The following CMKLR2 variants were observed in gnomAD, a reference collection of about 807,000 sequenced individuals.
CMKLR2 encodes chemerin-like receptor 2.
CMKLR2 carries 18 observed loss-of-function variants against 23.0 expected under a neutral mutation model. The ratio of observed to expected loss-of-function variants is 0.78; its 90% CI spans 0.54 to 1.16. CMKLR2 has a LOEUF of 1.16. CMKLR2 is among the 50% of genes most tolerant of loss of function. The pLI is 0.00. For missense variants in CMKLR2, 401 were observed against 412.7 expected, an observed-to-expected ratio of 0.97 and a Z score of 0.25; for synonymous variants, 158 against 158.9, an observed-to-expected ratio of 0.99 and a Z score of 0.05.
Position 206,176,542 on chromosome 2 carries a change from G to T in CMKLR2, c.706C>A (p.Arg236=). 1.9e-6 allele frequency: 3 copies of T among 1,614,034 alleles called. No homozygotes were observed. The highest frequency in any genetic ancestry group is 1.7e-6 in the Non-Finnish European group (2 of 1,179,996). Residue 236 remains arginine (R), a synonymous_variant, in exon 2 of 2, where the codon CGA becomes AGA. Coordinates refer to ENST00000621141, the MANE Select transcript of CMKLR2 (RefSeq NM_001389445.1). ...YLCLIFKVKK[R]SILISSRHFW... is the part of the protein sequence containing the mutation. ...TGCCTACTGGAGATCAGGATGCTTC[G>T]CTTCTTCACCTTGAAGATGAGACAC...
At position 206,186,439 on chromosome 2, in the gene CMKLR2, C is replaced by T. The variant is rs1401178935; in HGVS notation, c.-28-9164G>A. On this transcript the variant is annotated intron_variant, in intron 1 of 1. Transcript: ENST00000621141. ...ATGGGCTTTTGTTAAAGCAGCTGAA[C>T]ATGTATCCTAACTAATATAACTTCT... Among the ~76,000 whole-genome samples the T allele has an allele frequency of 5.3e-5, 8 of 152,252 alleles. No individual in the cohort carries two copies. The East Asian group carries it at 1.5e-3, about 29-fold the overall frequency.
chr2:206,178,866 C>T (rs78861091), intron 1 of CMKLR2, among the ~76,000 whole-genome samples: 3,118 of 151,852 alleles, frequency 0.021, 57 homozygotes, highest in South Asian at 0.051. Context: ...CCAGGCTGGT[C>T]TCAAACTCCT....
chr2:206,213,701 T>C (rs1379312855), upstream of CMKLR2: 1 of 152,204 alleles, frequency 6.6e-6, no homozygotes, highest in Non-Finnish European at 1.5e-5. Context: ...CTTTTGCTTA[T>C]GAAAAGGCAA....
chr2:206,214,769 G>A (rs567960816), upstream of CMKLR2, among the ~76,000 whole-genome samples: 8 of 151,742 alleles, frequency 5.3e-5, no homozygotes, highest in East Asian at 9.8e-4. Flanking sequence ...GACTGCAGGC[G>A]CCCGCCACCA....
chr2:206,193,626 T>C (rs368451590), intron 1 of CMKLR2, among the ~76,000 whole-genome samples: 3 of 152,340 alleles, frequency 2.0e-5, no homozygotes, highest in African/African-American at 7.2e-5. Context: ...TTCTGGGCAA[T>C]GTTATGTATC....
intron 1 of CMKLR2, among the ~76,000 whole-genome samples, chr2:206,205,515 A>G (rs1405833747): frequency 6.7e-6 from 1 of 149,404 alleles, no homozygotes; most frequent in African/African-American, 2.5e-5. Context: ...GGTGCTCACC[A>G]CCACACCCGG....
At chr2:206,200,802 TA>T (rs1264726136) in intron 1 of CMKLR2, among the ~76,000 whole-genome samples, 1 of 152,172 alleles carries the variant, frequency 6.6e-6, no homozygotes, top group Non-Finnish European at 1.5e-5. Flanking sequence ...AGGAACACAG[TA>T]AAAAACCATC....
At chr2:206,207,650 C>T (rs1288383106) in intron 1 of CMKLR2, among the ~76,000 whole-genome samples, 1 of 144,756 alleles carries the variant, frequency 6.9e-6, no homozygotes. Flanking sequence ...ATTATTCCTA[C>T]AAGGCTAAGA....
At chr2:206,191,980 A>G (rs886610861) in intron 1 of CMKLR2, among the ~76,000 whole-genome samples, 5 of 151,170 alleles carry the variant, frequency 3.3e-5, no homozygotes. Flanking sequence ...AGCTGGGATT[A>G]CAGGCGCACA....
At chr2:206,211,321 T>G (rs1574332650) in intron 1 of CMKLR2, among the ~76,000 whole-genome samples, 5 of 152,102 alleles carry the variant, frequency 3.3e-5, no homozygotes, top group Non-Finnish European at 7.4e-5. Context: ...ATTCAGTTAT[T>G]TTTTGTTTTG....
intron 1 of CMKLR2, among the ~76,000 whole-genome samples, chr2:206,205,635 G>A (rs1574326955): frequency 6.6e-6 from 1 of 151,868 alleles, no homozygotes; most frequent in South Asian, 2.1e-4. Context: ...GCCTCCCAAA[G>A]TGGTGGGATT....
At chr2:206,187,580 A>C (rs1385752602) in intron 1 of CMKLR2, among the ~76,000 whole-genome samples, 1 of 152,218 alleles carries the variant, frequency 6.6e-6, no homozygotes, top group African/African-American at 2.4e-5. Context: ...TTAAATTATT[A>C]AAAAGTGGTA....
At position 206,176,728 on chromosome 2, in the gene CMKLR2, A is replaced by G; in HGVS notation, c.520T>C (p.Tyr174His). 6.2e-7 allele frequency: 1 copy of G among 1,614,204 alleles called. No homozygotes were observed. Among genetic ancestry groups the G allele is most frequent in the Non-Finnish European group, 8.5e-7 (1 of 1,180,036 alleles). Reference protein sequence around the residue: ...LASLIGGPALYFRDTVEFNNH... With the variant: ...LASLIGGPALHFRDTVEFNNH... Reference sequence around the variant, plus strand: ...TTGAACTCCACAGTGTCCCGGAAGTACAGGGCAGGACCGCCAATTAGAGAA... The same window carrying G: ...TTGAACTCCACAGTGTCCCGGAAGTGCAGGGCAGGACCGCCAATTAGAGAA... Residue 174 changes from tyrosine to histidine, a missense_variant, in exon 2 of 2, where the codon TAC becomes CAC. Tyr to His is a moderately conservative substitution (Grantham distance 83, BLOSUM62 2). Transcript: ENST00000621141.
Position 206,176,528 on chromosome 2 carries a change from G to C in CMKLR2, c.720C>G (p.Ile240Met). ...IFKVKKRSIL[I>M]SSRHFWTILV... is the part of the protein sequence containing the mutation. ...GAATTGTCCAGAAATGCCTACTGGA[G>C]ATCAGGATGCTTCGCTTCTTCACCT... The change falls in exon 2 of 2, where the codon ATC becomes ATG. Residue 240 changes from isoleucine (I) to methionine (M), a missense_variant. Transcript: ENST00000621141. The C allele has an allele frequency of 6.2e-7, 1 of 1,614,130 alleles. No homozygotes were observed. The highest frequency in any genetic ancestry group is 8.5e-7 in the Non-Finnish European group (1 of 1,180,008).
chr2:206,195,070 T>C (rs1688878961), intron 1 of CMKLR2, among the ~76,000 whole-genome samples: 2 of 152,162 alleles, frequency 1.3e-5, no homozygotes. Context: ...ATAGACATTT[T>C]AAATTATTTT....
intron 1 of CMKLR2, among the ~76,000 whole-genome samples, chr2:206,209,494 C>T (rs976585764): frequency 2.0e-5 from 3 of 152,020 alleles, no homozygotes; most frequent in African/African-American, 7.2e-5. Context: ...AGGTATTAAG[C>T]CCAGCATCCG....
At chr2:206,191,939 C>T (rs1307929411) in intron 1 of CMKLR2, among the ~76,000 whole-genome samples, 1 of 150,598 alleles carries the variant, frequency 6.6e-6, no homozygotes, top group African/African-American at 2.4e-5. Flanking sequence ...CTCCCGGGTT[C>T]ACACTATTCT....
chr2:206,214,660 G>T (rs1299781396), upstream of CMKLR2, among the ~76,000 whole-genome samples: 1 of 151,844 alleles, frequency 6.6e-6, no homozygotes, highest in Non-Finnish European at 1.5e-5. Context: ...GTCTCGCTCT[G>T]TTGCCCAGGA....
At chr2:206,198,699 C>T (rs1688995070) in intron 1 of CMKLR2, among the ~76,000 whole-genome samples, 1 of 152,194 alleles carries the variant, frequency 6.6e-6, no homozygotes, top group Admixed American at 6.5e-5. Flanking sequence ...AATATTGTAC[C>T]TCCCTCATTC....
Sources: gnomAD v4.1 joint callset for allele counts (sites outside exome capture counted in the v4.1 genomes callset) on GRCh38, gnomAD v4.1.1 for gene constraint, MANE v1.5 for transcripts, NCBI Gene and HGNC (gene_info 2026-07-23, HGNC 2026-07-21) for gene names.